CNDP1: variants seen among roughly 807,000 people sequenced by gnomAD.
The protein encoded by CNDP1 is beta-Ala-His dipeptidase.
A neutral mutation model predicts 58.1 loss-of-function variants in CNDP1; 44 were observed. That is an observed-to-expected ratio of 0.76 (90% confidence interval 0.60 to 0.97). The LOEUF is 0.97. CNDP1 is among the 50% of genes least tolerant of loss of function. CNDP1 has a pLI of 0.00. For missense variants in CNDP1, 616 were observed against 655.1 expected, an observed-to-expected ratio of 0.94 and a Z score of 0.65; for synonymous variants, 254 against 252.6, an observed-to-expected ratio of 1.01 and a Z score of -0.05.
At chr18:74,558,336 G>A (rs1357085342) in intron 2 of CNDP1, among the ~76,000 whole-genome samples, 10 of 151,016 alleles carry the variant, frequency 6.6e-5, no homozygotes, top group Non-Finnish European at 1.3e-4. Flanking sequence ...CTGTGCACAC[G>A]TTACCTCAGT....
In CNDP1 at chr18:74,586,056, C is replaced by T. The variant is rs1434963990; in HGVS notation, c.*1494C>T. The T allele has an allele frequency of 6.8e-6, 1 of 147,474 alleles. No homozygotes were observed. The allele number at this position is 147,474 out of a possible 1,614,324, so 9.1% of individuals were successfully genotyped here. The stretch of plus-strand genomic sequence containing the variant: ...TTGCGTTCAACTTTTTTCCATCACT[C>T]TGTTGGTTCTTGAGATGTCAGTGTC... On this transcript the variant is annotated 3_prime_UTR_variant, in exon 12 of 12. Transcript: ENST00000358821.
intron 1 of CNDP1, among the ~76,000 whole-genome samples, chr18:74,540,476 G>C (rs954432386): frequency 6.6e-6 from 1 of 152,124 alleles, no homozygotes; most frequent in Admixed American, 6.5e-5. Flanking sequence ...CTGAATTTCT[G>C]ATCTGACCTT....
At chr18:74,557,851 T>G (rs949056116) in intron 2 of CNDP1, among the ~76,000 whole-genome samples, 1 of 152,348 alleles carries the variant, frequency 6.6e-6, no homozygotes, top group Non-Finnish European at 1.5e-5. Context: ...AATCTGACCT[T>G]CATGCAATCC....
chr18:74,560,822 AT>A (rs1981173252), intron 3 of CNDP1, 33 bp from the exon 4 acceptor site: 1 of 1,594,860 alleles, frequency 6.3e-7, no homozygotes, highest in Non-Finnish European at 8.6e-7. Flanking sequence ...ACAACACAGC[AT>A]TTTTGAAAAT....
At chr18:74,550,681 A>G (rs1980878972) in intron 1 of CNDP1, among the ~76,000 whole-genome samples, 1 of 149,776 alleles carries the variant, frequency 6.7e-6, no homozygotes, top group East Asian at 2.0e-4. Context: ...GGTTCATGCC[A>G]TTCTCTTGCC....
chr18:74,554,283 T>C (rs758388160), intron 1 of CNDP1, among the ~76,000 whole-genome samples: 6 of 152,216 alleles, frequency 3.9e-5, no homozygotes, highest in Non-Finnish European at 7.3e-5. Context: ...AGCCTGAACA[T>C]CCCTGTAGCA....
intron 6 of CNDP1, 77 bp downstream of exon 6, chr18:74,567,510 G>A (rs1481490249): frequency 7.7e-7 from 1 of 1,295,936 alleles, no homozygotes; most frequent in Non-Finnish European, 1.1e-6. Flanking sequence ...CTGGGATCTT[G>A]GAGAGGAAGA....
chr18:74,553,725 G>T (rs1028470747), intron 1 of CNDP1, among the ~76,000 whole-genome samples: 4 of 152,040 alleles, frequency 2.6e-5, no homozygotes, highest in South Asian at 4.2e-4. Context: ...TTATTAGAAC[G>T]TTTTGATACA....
intron 4 of CNDP1, 127 bp downstream of exon 4, chr18:74,561,145 T>C: frequency 8.6e-7 from 1 of 1,164,174 alleles, no homozygotes; most frequent in Non-Finnish European, 1.2e-6. Context: ...CCGGGTGCGG[T>C]GGCTCACGCT....
chr18:74,552,118 G>A (rs1411712886), intron 1 of CNDP1, among the ~76,000 whole-genome samples: 9 of 152,182 alleles, frequency 5.9e-5, no homozygotes, highest in African/African-American at 2.2e-4. Flanking sequence ...GGTAGCCAGG[G>A]AGTTCATGAG....
At position 74,551,395 on chromosome 18, in the gene CNDP1, A is replaced by ACACAC. The variant is rs1568293393; in HGVS notation, c.25-4943_25-4942insCACAC. Among the ~76,000 whole-genome samples the ACACAC allele has an allele frequency of 4.2e-3, 456 of 109,532 alleles. 5 individuals are homozygous for ACACAC. Among genetic ancestry groups the ACACAC allele is most frequent in the African/African-American group, 0.015 (427 of 28,838 alleles). 71.9% of individuals were successfully genotyped at this position (109,532 alleles called of 152,430 possible). ...ACACACACACACACACACACACACA[A>ACACAC]ACAAAAACAGAGGCATGGAGGAACA... On this transcript the variant is annotated intron_variant, in intron 1 of 11. Transcript: ENST00000358821.
chr18:74,550,979 C>G (rs1397368430), intron 1 of CNDP1, among the ~76,000 whole-genome samples: 1 of 152,006 alleles, frequency 6.6e-6, no homozygotes, highest in African/African-American at 2.4e-5. Flanking sequence ...GATACGTGTC[C>G]CCGCCTAACT....
Position 74,551,869 on chromosome 18 carries a change from GC to G in CNDP1, c.25-4468del, listed in dbSNP as rs1980918208. Among the ~76,000 whole-genome samples the G allele has an allele frequency of 3.3e-5, 5 of 151,046 alleles. No homozygotes were observed. The South Asian group carries it at 1.0e-3, about 32-fold the overall frequency. On this transcript the variant is annotated intron_variant, in intron 1 of 11. Transcript: ENST00000358821. ...GAACTTGTCTGAAGGAAAAATAAAA[GC>G]TCAAATGTTAATGTAGATGGATCAA...
Position 74,556,327 on chromosome 18 carries a change from A to T in CNDP1, c.25-11A>T, listed in dbSNP as rs541577205. 1 of 1,611,426 alleles carries T rather than the reference A, an allele frequency of 6.2e-7. No individual in the cohort carries two copies. Among genetic ancestry groups the T allele is most frequent in the East Asian group, 2.2e-5 (1 of 44,724 alleles). On this transcript the variant is annotated splice_polypyrimidine_tract_variant and intron_variant, in intron 1 of 11. Transcript: ENST00000358821. ...ATTTTCATTCGTTCCTCCCATGTCA[A>T]ACCCTTCCAGGCTGCGTCCCTGCTG...
chr18:74,569,995 G>A (rs1487695070), intron 6 of CNDP1, among the ~76,000 whole-genome samples: 1 of 144,296 alleles, frequency 6.9e-6, no homozygotes, highest in Non-Finnish European at 1.5e-5. Context: ...AGACCAGCCT[G>A]CCCAACATGG....
intron 10 of CNDP1, among the ~76,000 whole-genome samples, chr18:74,582,550 T>C (rs964756856): frequency 1.3e-5 from 2 of 152,112 alleles, no homozygotes; most frequent in African/African-American, 4.8e-5. Context: ...GAAGAAACAA[T>C]ATAGGGACAT....
At chr18:74,559,272 A>G (rs1160788701) in intron 2 of CNDP1, 51 bp from the exon 3 acceptor site, 2 of 1,602,550 alleles carry the variant, frequency 1.2e-6, no homozygotes, top group Non-Finnish European at 8.5e-7. Context: ...CTCCCCCCGC[A>G]GAGCAGATGT....
At chr18:74,544,479 G>A (rs1980706147) in intron 1 of CNDP1, among the ~76,000 whole-genome samples, 1 of 152,090 alleles carries the variant, frequency 6.6e-6, no homozygotes, top group African/African-American at 2.4e-5. Context: ...CACTTTGGGA[G>A]GCCGAAGCAG....
At chr18:74,556,193 T>G in intron 1 of CNDP1, 145 bp from the exon 2 acceptor site, 1 of 829,962 alleles carries the variant, frequency 1.2e-6, no homozygotes, top group South Asian at 1.8e-5. Flanking sequence ...AATACATGTT[T>G]GGTTCTACCG....
Sources: allele counts gnomAD v4.1 joint callset (sites outside exome capture counted in the v4.1 genomes callset), GRCh38; gene constraint gnomAD v4.1.1; transcripts MANE v1.5; gene names NCBI Gene and HGNC (gene_info 2026-07-23, HGNC 2026-07-21).